Variants in MANEA observed in about 807,000 individuals in gnomAD.
The protein encoded by MANEA is glycoprotein endo-alpha-1,2-mannosidase.
A neutral mutation model predicts 36.8 loss-of-function variants in MANEA; 25 were observed. The observed-to-expected ratio is 0.68, with a 90% CI of 0.50 to 0.95. The LOEUF (loss-of-function observed/expected upper bound fraction) is 0.95. MANEA is among the 40% of genes least tolerant of loss of function. The pLI, the probability that MANEA is intolerant of heterozygous loss-of-function variation, is 0.00. For missense variants in MANEA, 565 were observed against 558.8 expected (o/e 1.01, Z -0.11); for synonymous variants, 198 against 188.5 (o/e 1.05, Z -0.41).
At chr6:95,598,597 G>A (rs376570407) in intron 3 of MANEA, among the ~76,000 whole-genome samples, 1 of 152,122 alleles carries the variant, frequency 6.6e-6, no homozygotes, top group South Asian at 2.1e-4. Flanking sequence ...TGGCAATGAC[G>A]TGTTAATACT....
chr6:95,596,058 A>C (rs1328601103), intron 2 of MANEA, among the ~76,000 whole-genome samples: 1 of 152,192 alleles, frequency 6.6e-6, no homozygotes, highest in East Asian at 1.9e-4. Context: ...GAACCTAAAA[A>C]TTCAAGTTGC....
chr6:95,596,923 A>C, intron 3 of MANEA, 77 bp downstream of exon 3: 1 of 618,266 alleles, frequency 1.6e-6, no homozygotes, highest in Non-Finnish European at 2.8e-6. Context: ...TTTTTGAAAT[A>C]GTAATTTTAA....
rs866813037 is a variant in MANEA, at chr6:95,586,585, A to T, written c.146A>T (p.His49Leu). The change falls in exon 2 of 5, where the codon CAT becomes CTT. Residue 49 changes from histidine to leucine, a missense_variant. Physicochemically the swap from His to Leu is moderately conservative, Grantham distance 99. Transcript: ENST00000358812. ...PFGLDLLPEL[H>L]QRTIHLGKNF... Reference sequence around the variant, plus strand: ...GGACTTGACCTTCTTCCAGAACTTCATCAACGAACTATTCATTTGGGGAAA... The same window carrying T: ...GGACTTGACCTTCTTCCAGAACTTCTTCAACGAACTATTCATTTGGGGAAA... 6.2e-7 allele frequency: 1 copy of T among 1,614,092 alleles called. No homozygotes were observed. Among genetic ancestry groups the T allele is most frequent in the Middle Eastern group, 1.7e-4 (1 of 6,058 alleles).
rs150695177 is a variant in MANEA, at chr6:95,597,487, C to A, written c.654+641C>A. Among the ~76,000 whole-genome samples, 790 of 152,050 alleles carry A rather than the reference C, an allele frequency of 5.2e-3. 20 individuals are homozygous for A. The highest frequency in any genetic ancestry group is 0.045 in the Admixed American group (692 of 15,272). On this transcript the variant is annotated intron_variant, in intron 3 of 4. Transcript: ENST00000358812. ...ATACTGAATAGCAAGTAAATAAGCACTGTTTTTAATATCCAAAGATACATT... is the reference window on the plus strand; with the variant it reads ...ATACTGAATAGCAAGTAAATAAGCAATGTTTTTAATATCCAAAGATACATT...
chr6:95,599,739 A>AT lies in MANEA; in HGVS notation c.654+2900dup, dbSNP rs1562199917. ...GTGAGAAAGAGCTAAATAGGCAAGC[A>AT]TTTTTTTATTTCTGTCCATAAAGCT... On this transcript the variant is annotated intron_variant, in intron 3 of 4. Coordinates refer to ENST00000358812, the MANE Select transcript of MANEA (RefSeq NM_024641.4). Among the ~76,000 whole-genome samples, 6 of 152,150 alleles carry AT rather than the reference A, an allele frequency of 3.9e-5. No individual in the cohort carries two copies. The South Asian group carries it at 6.2e-4, about 16-fold the overall frequency.
chr6:95,580,185 C>G (rs1769152517), intron 1 of MANEA, among the ~76,000 whole-genome samples: 1 of 151,970 alleles, frequency 6.6e-6, no homozygotes, highest in African/African-American at 2.4e-5. Flanking sequence ...TGTATACGGT[C>G]AGTAGTCTAT....
chr6:95,602,794 G>A (rs1338065506), intron 3 of MANEA, among the ~76,000 whole-genome samples: 2 of 151,580 alleles, frequency 1.3e-5, no homozygotes, highest in African/African-American at 4.8e-5. Flanking sequence ...GCCGAGGCGG[G>A]TGGATCATGA....
chr6:95,592,375 C>T (rs1208835814), intron 2 of MANEA, among the ~76,000 whole-genome samples: 1 of 152,144 alleles, frequency 6.6e-6, no homozygotes, highest in Non-Finnish European at 1.5e-5. Flanking sequence ...TATATTCTCT[C>T]TCTGATGATT....
intron 2 of MANEA, among the ~76,000 whole-genome samples, chr6:95,589,159 A>T (rs1769339541): frequency 6.6e-6 from 1 of 152,070 alleles, no homozygotes; most frequent in South Asian, 2.1e-4. Context: ...TAATGAGTTA[A>T]ATATTGAATT....
In MANEA at chr6:95,608,116, C is replaced by T. The variant is rs1012579930; in HGVS notation, c.*1711C>T. ...GAAAATAAAAGAATAAATCACTATA[C>T]TGATATTTTGATACAAGCAAGCACT... On this transcript the variant is annotated 3_prime_UTR_variant, in exon 5 of 5. Coordinates refer to ENST00000358812, the MANE Select transcript of MANEA (RefSeq NM_024641.4). The T allele has an allele frequency of 1.3e-5, 2 of 151,732 alleles. No homozygotes were observed. The highest frequency in any genetic ancestry group is 4.8e-5 in the African/African-American group (2 of 41,364). The allele number at this position is 151,732 out of a possible 1,614,324, so 9.4% of individuals were successfully genotyped here. A position where few individuals can be genotyped will look rare whatever the true frequency, so the allele number is the denominator to read the frequency against.
intron 2 of MANEA, among the ~76,000 whole-genome samples, chr6:95,589,776 C>T (rs1769353510): frequency 6.6e-6 from 1 of 151,992 alleles, no homozygotes; most frequent in South Asian, 2.1e-4. Flanking sequence ...CTGATGTGGA[C>T]ATCGTAATTC....
At chr6:95,583,639 A>T (rs972321002) in intron 1 of MANEA, among the ~76,000 whole-genome samples, 4 of 152,136 alleles carry the variant, frequency 2.6e-5, no homozygotes, top group African/African-American at 9.7e-5. Context: ...AGAAGAGGTG[A>T]AATGGTAAAC....
intron 3 of MANEA, among the ~76,000 whole-genome samples, chr6:95,598,811 A>G (rs1263308820): frequency 6.6e-6 from 1 of 152,188 alleles, no homozygotes; most frequent in African/African-American, 2.4e-5. Flanking sequence ...GAGACAGACT[A>G]ATCTTACCAA....
rs138845319 is a variant in MANEA at position 95,588,619 on chromosome 6, T to G, written c.544+1636T>G. On this transcript the variant is annotated intron_variant, in intron 2 of 4. Coordinates refer to ENST00000358812, the MANE Select transcript of MANEA (RefSeq NM_024641.4). ...GTTTACAAAAAATTTGTGTCACATT[T>G]AAGTCTTTATTCAAGACTGTCTTGA... Among the ~76,000 whole-genome samples the G allele has an allele frequency of 6.7e-4, 102 of 152,088 alleles. No homozygotes were observed. The Middle Eastern group carries it at 0.014, about 20-fold the overall frequency.
rs1769176858 is a variant in MANEA at position 95,581,279 on chromosome 6, A to T, written c.-39+3641A>T. ...AGCCAGAGCCAGCAGATCATCTCTT[A>T]AAATTGAGCTTGTGTGTCATCTATA... On this transcript the variant is annotated intron_variant, in intron 1 of 4. Coordinates refer to ENST00000358812, the MANE Select transcript of MANEA (RefSeq NM_024641.4). Among the ~76,000 whole-genome samples the T allele has an allele frequency of 2.0e-5, 3 of 152,198 alleles. No homozygotes were observed. The South Asian group carries it at 6.2e-4, about 31-fold the overall frequency.
At chr6:95,605,429 A>T (rs181174094) in intron 4 of MANEA, among the ~76,000 whole-genome samples, 6 of 152,306 alleles carry the variant, frequency 3.9e-5, no homozygotes, top group Admixed American at 2.6e-4. Flanking sequence ...TATCACTGAT[A>T]GATAAAAAAG....
At chr6:95,598,676 G>A (rs1054678939) in intron 3 of MANEA, among the ~76,000 whole-genome samples, 3 of 152,148 alleles carry the variant, frequency 2.0e-5, no homozygotes, top group Non-Finnish European at 1.5e-5. Flanking sequence ...GAACTGCAAA[G>A]TTATGAATAC....
chr6:95,607,950 T>TAAAC lies in MANEA; in HGVS notation c.*1547_*1550dup, dbSNP rs567291126. On this transcript the variant is annotated 3_prime_UTR_variant, in exon 5 of 5. Transcript: ENST00000358812. ...CAGATGACAAAATTTATTTTATTTT[T>TAAAC]AAACAGTGGTTTTGACACAAATTAT... 6.0e-3 allele frequency: 914 copies of TAAAC among 151,936 alleles called. 8 individuals are homozygous for TAAAC. Among genetic ancestry groups the TAAAC allele is most frequent in the African/African-American group, 0.021 (883 of 41,534 alleles). 9.4% of individuals were successfully genotyped at this position (151,936 alleles called of 1,614,324 possible).
intron 1 of MANEA, among the ~76,000 whole-genome samples, chr6:95,583,583 A>C (rs1769224241): frequency 6.6e-6 from 1 of 152,116 alleles, no homozygotes; most frequent in South Asian, 2.1e-4. Flanking sequence ...AAATACAGTT[A>C]ACTTTAGTTA....
Sources: allele counts gnomAD v4.1 joint callset (sites outside exome capture counted in the v4.1 genomes callset), GRCh38; gene constraint gnomAD v4.1.1; transcripts MANE v1.5; gene names NCBI Gene and HGNC (gene_info 2026-07-23, HGNC 2026-07-21).